The following TAF3 variants were observed in gnomAD, a reference collection of about 807,000 sequenced individuals.
The protein encoded by TAF3 is transcription initiation factor TFIID subunit 3.
In TAF3, 7 loss-of-function variants were observed where a neutral mutation model predicts 80.6. The ratio of observed to expected loss-of-function variants is 0.09; its 90% CI spans 0.05 to 0.16. TAF3 has a LOEUF of 0.16. Ranked by LOEUF, TAF3 falls within the 10% of genes least tolerant of loss-of-function variation. The pLI is 1.00. For missense variants in TAF3, 921 were observed against 1,140.2 expected (o/e 0.81, Z 2.77); for synonymous variants, 444 against 446.1 (o/e 1.00, Z 0.06).
At chr10:7,865,205 T>A (rs554139205) in intron 2 of TAF3, among the ~76,000 whole-genome samples, 1 of 151,998 alleles carries the variant, frequency 6.6e-6, no homozygotes, top group African/African-American at 2.4e-5. Flanking sequence ...TGGTGGCTCA[T>A]GCCTGTAATC....
intron 2 of TAF3, among the ~76,000 whole-genome samples, chr10:7,853,683 TA>T (rs1441273062): frequency 2.6e-5 from 4 of 152,224 alleles, no homozygotes; most frequent in Admixed American, 6.5e-5. Flanking sequence ...ATTCTGTAAA[TA>T]AAGTTTTATT....
At chr10:7,882,848 A>G (rs993042672) in intron 2 of TAF3, among the ~76,000 whole-genome samples, 43 of 152,340 alleles carry the variant, frequency 2.8e-4, no homozygotes, top group African/African-American at 8.7e-4. Flanking sequence ...AAGAATTCCT[A>G]AGTATTCTTT....
At chr10:8,001,605 C>G (rs879921885) in intron 4 of TAF3, among the ~76,000 whole-genome samples, 5 of 152,118 alleles carry the variant, frequency 3.3e-5, no homozygotes, top group Non-Finnish European at 7.4e-5. Context: ...CAGCATTTCC[C>G]TTTATGGTTT....
chr10:7,906,223 T>C (rs1837607423), intron 2 of TAF3, among the ~76,000 whole-genome samples: 1 of 152,246 alleles, frequency 6.6e-6, no homozygotes, highest in Non-Finnish European at 1.5e-5. Context: ...GTCTTATCTT[T>C]AATTTCAGTA....
intron 5 of TAF3, among the ~76,000 whole-genome samples, 175 bp from the exon 6 acceptor site, chr10:8,013,556 C>G (rs1832073675): frequency 6.6e-6 from 1 of 152,118 alleles, no homozygotes. Flanking sequence ...TTTCTTGATT[C>G]TAAAACAGTG....
chr10:8,013,194 A>G (rs1376432278), intron 5 of TAF3, among the ~76,000 whole-genome samples: 1 of 152,148 alleles, frequency 6.6e-6, no homozygotes, highest in Non-Finnish European at 1.5e-5. Flanking sequence ...CTTAGTAACA[A>G]CTCTTTTATA....
intron 2 of TAF3, among the ~76,000 whole-genome samples, chr10:7,890,901 TTTAA>T (rs1837452025): frequency 6.6e-6 from 1 of 152,256 alleles, no homozygotes; most frequent in Non-Finnish European, 1.5e-5. Flanking sequence ...TTGGTTAATA[TTTAA>T]TTAAGTAACA....
intron 3 of TAF3, among the ~76,000 whole-genome samples, chr10:7,967,476 C>T (rs1312728670): frequency 2.0e-5 from 3 of 152,126 alleles, no homozygotes; most frequent in Admixed American, 6.5e-5. Context: ...CTCAGTCCCT[C>T]GAAGCACAGA....
chr10:7,883,576 C>A (rs111369524), intron 2 of TAF3, among the ~76,000 whole-genome samples: 3 of 152,126 alleles, frequency 2.0e-5, no homozygotes, highest in African/African-American at 7.2e-5. Flanking sequence ...AAACTTTTAC[C>A]TACTAGTTTA....
At chr10:7,952,831 C>T (rs182280900) in intron 2 of TAF3, among the ~76,000 whole-genome samples, 4 of 152,242 alleles carry the variant, frequency 2.6e-5, no homozygotes, top group Admixed American at 2.6e-4. Context: ...TTTAAAAATA[C>T]ATACCCACTT....
At chr10:7,859,033 CG>C (rs1554777975) in intron 2 of TAF3, among the ~76,000 whole-genome samples, 1 of 151,970 alleles carries the variant, frequency 6.6e-6, no homozygotes, top group Non-Finnish European at 1.5e-5. Flanking sequence ...GAGGCTGAGG[CG>C]GGCAGATCAC....
chr10:7,819,472 C>G (rs1305763244), intron 1 of TAF3, among the ~76,000 whole-genome samples: 3 of 152,186 alleles, frequency 2.0e-5, no homozygotes, highest in Admixed American at 1.3e-4. Context: ...GATGTACTTT[C>G]ACTTACGTCT....
intron 4 of TAF3, among the ~76,000 whole-genome samples, chr10:7,989,840 C>T (rs1218380111): frequency 6.6e-6 from 1 of 152,046 alleles, no homozygotes; most frequent in Non-Finnish European, 1.5e-5. Flanking sequence ...GGTCCATTGG[C>T]CAAAGTTTGG....
intron 2 of TAF3, among the ~76,000 whole-genome samples, chr10:7,866,121 ACT>A (rs983161218): frequency 2.6e-5 from 4 of 151,858 alleles, no homozygotes; most frequent in African/African-American, 9.7e-5. Flanking sequence ...AATTTCTGAA[ACT>A]CTCCTGTGTT....
intron 2 of TAF3, among the ~76,000 whole-genome samples, chr10:7,828,881 A>G (rs1836769316): frequency 8.3e-6 from 1 of 120,392 alleles, no homozygotes; most frequent in Non-Finnish European, 1.7e-5. Flanking sequence ...TGAAAATACA[A>G]AAATTAGCTG....
At chr10:8,003,015 T>C (rs1419315833) in intron 4 of TAF3, among the ~76,000 whole-genome samples, 1 of 152,204 alleles carries the variant, frequency 6.6e-6, no homozygotes, top group African/African-American at 2.4e-5. Context: ...ATACATCTTT[T>C]TATAGCCTCT....
chr10:7,976,709 G>A (rs979780027), intron 3 of TAF3, among the ~76,000 whole-genome samples: 1 of 151,994 alleles, frequency 6.6e-6, no homozygotes, highest in Admixed American at 6.6e-5. Context: ...GCTTGTTTTT[G>A]TTTTCTTTTA....
At chr10:7,860,741 A>G (rs1221016491) in intron 2 of TAF3, among the ~76,000 whole-genome samples, 1 of 151,234 alleles carries the variant, frequency 6.6e-6, no homozygotes, top group African/African-American at 2.4e-5. Context: ...TATTGTCCAT[A>G]TTGGAGTCCA....
At chr10:7,969,247 A>G (rs1407537540) in intron 3 of TAF3, among the ~76,000 whole-genome samples, 1 of 152,114 alleles carries the variant, frequency 6.6e-6, no homozygotes, top group East Asian at 1.9e-4. Flanking sequence ...AGGCGGGAGG[A>G]TAGCACCACT....
Sources: allele counts gnomAD v4.1 joint callset (sites outside exome capture counted in the v4.1 genomes callset), GRCh38; gene constraint gnomAD v4.1.1; transcripts MANE v1.5; gene names NCBI Gene and HGNC (gene_info 2026-07-23, HGNC 2026-07-21).